Variants in TENM3 observed in about 807,000 individuals in gnomAD.
TENM3 encodes the protein teneurin-3.
TENM3 carries 63 observed loss-of-function variants against 255.1 expected under a neutral mutation model. The ratio of observed to expected loss-of-function variants is 0.25; its 90% CI spans 0.20 to 0.30. The LOEUF (loss-of-function observed/expected upper bound fraction) is 0.30. TENM3 is among the 10% of genes least tolerant of loss of function. The probability of loss-of-function intolerance (pLI) is 1.00; values close to 1 mark genes in which losing one functional copy is unlikely to be tolerated. For synonymous variants in TENM3, 1,306 were observed against 1,322.3 expected (o/e 0.99, Z 0.27); for missense variants, 2,929 against 3,461.1 (o/e 0.85, Z 3.86).
chr4:182,492,705 T>A (rs2151595163), intron 3 of TENM3, among the ~76,000 whole-genome samples: 1 of 152,286 alleles, frequency 6.6e-6, no homozygotes. Context: ...TACTGGAAGT[T>A]TTGCTCGATG....
chr4:181,897,007 T>G, the TENM3 span, among the ~76,000 whole-genome samples: 1 of 152,198 alleles, frequency 6.6e-6, no homozygotes, highest in Non-Finnish European at 1.5e-5. Flanking sequence ...GTGCAGCCTT[T>G]GTTGTCCATC....
At chr4:182,670,077 C>T (rs181106036) in intron 6 of TENM3, among the ~76,000 whole-genome samples, 91 of 152,116 alleles carry the variant, frequency 6.0e-4, no homozygotes, top group Non-Finnish European at 1.0e-3. Context: ...TAAAGCAAGA[C>T]GTCTGTTTAG....
the TENM3 span, among the ~76,000 whole-genome samples, chr4:182,130,308 G>A: frequency 6.6e-6 from 1 of 152,018 alleles, no homozygotes; most frequent in Non-Finnish European, 1.5e-5. Context: ...TTCCATTAGT[G>A]GTATTGTCAC....
rs575103605 is a variant in TENM3 at position 182,364,165 on chromosome 4, C to T, written c.511+17236C>T. Among the ~76,000 whole-genome samples, 6 of 151,746 alleles carry T rather than the reference C, an allele frequency of 4.0e-5. No individual in the cohort carries two copies. The South Asian group carries it at 6.2e-4, about 16-fold the overall frequency. ...ATACCCCAAGTAAAATGATGGGATA[C>T]GACAGATGTGATAAAAGTGGAACCT... On this transcript the variant is annotated intron_variant, in intron 3 of 27. Coordinates refer to ENST00000511685, the MANE Select transcript of TENM3 (RefSeq NM_001080477.4).
At chr4:182,376,021 ATAACTGGAAATTT>A (rs1483853811) in intron 3 of TENM3, among the ~76,000 whole-genome samples, 1 of 140,806 alleles carries the variant, frequency 7.1e-6, no homozygotes, top group African/African-American at 3.2e-5. Flanking sequence ...ATACACTTGC[ATAACTGGAAATTT>A]TAAACATTAA....
At chr4:182,203,619 G>A (rs1043466416) in intron 1 of TENM3, among the ~76,000 whole-genome samples, 4 of 152,092 alleles carry the variant, frequency 2.6e-5, no homozygotes, top group Admixed American at 6.5e-5. Flanking sequence ...CCTTTCCCCC[G>A]CTTTGCTGGG....
chr4:181,581,536 G>A, the TENM3 span, among the ~76,000 whole-genome samples: 2 of 152,060 alleles, frequency 1.3e-5, no homozygotes, highest in African/African-American at 4.8e-5. Flanking sequence ...TCTTTTGTAA[G>A]ACATACCATA....
At chr4:182,202,686 G>T (rs770943259) in intron 1 of TENM3, among the ~76,000 whole-genome samples, 1 of 152,154 alleles carries the variant, frequency 6.6e-6, no homozygotes, top group African/African-American at 2.4e-5. Flanking sequence ...AGGCACAGGG[G>T]ATCTTGCTGC....
chr4:181,738,347 G>A, the TENM3 span, among the ~76,000 whole-genome samples: 1 of 152,256 alleles, frequency 6.6e-6, no homozygotes, highest in South Asian at 2.1e-4. Context: ...CACACGTTCT[G>A]TTCTTTTGAG....
At chr4:181,494,324 G>A in the TENM3 span, among the ~76,000 whole-genome samples, 1 of 152,086 alleles carries the variant, frequency 6.6e-6, no homozygotes, top group Admixed American at 6.6e-5. Context: ...TGCTCTTGTT[G>A]CCCAGGCTGG....
intron 3 of TENM3, among the ~76,000 whole-genome samples, chr4:182,384,475 C>G (rs1010530657): frequency 5.3e-5 from 8 of 151,960 alleles, no homozygotes; most frequent in Admixed American, 2.6e-4. Context: ...ACTTAGTGCC[C>G]CCAAAATCAT....
At chr4:182,590,171 G>A (rs533234731) in intron 3 of TENM3, among the ~76,000 whole-genome samples, 46 of 152,082 alleles carry the variant, frequency 3.0e-4, no homozygotes, top group South Asian at 2.1e-3. Context: ...TTCCTATCAG[G>A]AAAAAACAAG....
chr4:181,507,506 A>T, the TENM3 span, among the ~76,000 whole-genome samples: 44 of 152,284 alleles, frequency 2.9e-4, 1 homozygote, highest in African/African-American at 1.0e-3. Context: ...TTATTTATGC[A>T]CTTCTGATCT....
chr4:182,561,985 CAGAT>C (rs60745078), intron 3 of TENM3, among the ~76,000 whole-genome samples: 25,688 of 145,148 alleles, frequency 0.18, 2,439 homozygotes, highest in Non-Finnish European at 0.22. Context: ...GATAGATAGA[CAGAT>C]AGATAGATAG....
chr4:181,630,606 C>G, the TENM3 span, among the ~76,000 whole-genome samples: 19 of 152,278 alleles, frequency 1.2e-4, no homozygotes, highest in East Asian at 3.5e-3. Flanking sequence ...ACCCAGTAGT[C>G]ATTCAGGAGC....
chr4:181,706,818 G>A, the TENM3 span, among the ~76,000 whole-genome samples: 2 of 152,188 alleles, frequency 1.3e-5, no homozygotes, highest in Non-Finnish European at 2.9e-5. Flanking sequence ...CTTCTGGCTG[G>A]ATTTTCTCCA....
chr4:182,460,443 G>T (rs10012537), intron 3 of TENM3, among the ~76,000 whole-genome samples: 27,618 of 151,948 alleles, frequency 0.18, 2,598 homozygotes, highest in Middle Eastern at 0.28. Context: ...GAAAACATTT[G>T]GGGTGGCAAG....
rs910750009 is a variant in TENM3 at position 182,728,954 on chromosome 4, T to G, written c.2369-11T>G. ...GAAAATTCTCTTACTGGGGAACATT[T>G]CTCTCTACAGATGGACTCATTGACT... On this transcript the variant is annotated splice_polypyrimidine_tract_variant and intron_variant, in intron 13 of 27. Transcript: ENST00000511685. 1 of 1,611,286 alleles carries G rather than the reference T, an allele frequency of 6.2e-7. No homozygotes were observed. The highest frequency in any genetic ancestry group is 8.5e-7 in the Non-Finnish European group (1 of 1,177,742).
At chr4:182,780,052 T>G (rs1273079376) in intron 24 of TENM3, among the ~76,000 whole-genome samples, 6 of 151,676 alleles carry the variant, frequency 4.0e-5, no homozygotes, top group African/African-American at 1.2e-4. Context: ...AGAAGCTCTT[T>G]AGTTTAATTA....
Sources: gnomAD v4.1 joint callset for allele counts (sites outside exome capture counted in the v4.1 genomes callset) on GRCh38, gnomAD v4.1.1 for gene constraint, MANE v1.5 for transcripts, NCBI Gene and HGNC (gene_info 2026-07-23, HGNC 2026-07-21) for gene names.